AGTPBP1: variants seen among roughly 807,000 people sequenced by gnomAD.
The protein encoded by AGTPBP1 is ATP/GTP binding carboxypeptidase 1.
Under a neutral mutation model 143.9 loss-of-function variants are expected in AGTPBP1, and 70 were observed. The ratio of observed to expected loss-of-function variants is 0.49; its 90% confidence interval spans 0.40 to 0.59. The LOEUF (loss-of-function observed/expected upper bound fraction) is 0.59, where lower values mean the gene tolerates loss of function less well. AGTPBP1 is among the 20% of genes least tolerant of loss of function. The pLI is 0.00. For missense variants in AGTPBP1, 1,229 were observed against 1,464.5 expected (o/e 0.84, Z 2.62); for synonymous variants, 463 against 500.2 (o/e 0.93, Z 0.99).
chr9:85,700,262 A>G (rs991043565), intron 2 of AGTPBP1, among the ~76,000 whole-genome samples: 1 of 152,210 alleles, frequency 6.6e-6, no homozygotes, highest in Non-Finnish European at 1.5e-5. Context: ...TGGCTTATTC[A>G]ACACAACGAA....
chr9:85,759,613 T>C, the AGTPBP1 span, among the ~76,000 whole-genome samples: 5 of 151,914 alleles, frequency 3.3e-5, no homozygotes, highest in Non-Finnish European at 5.9e-5. Context: ...CTGGGACACA[T>C]TTAAAGCAGT....
At chr9:85,636,417 C>T (rs1045564951) in intron 13 of AGTPBP1, among the ~76,000 whole-genome samples, 1 of 152,086 alleles carries the variant, frequency 6.6e-6, no homozygotes, top group South Asian at 2.1e-4. Context: ...CACGCACCAC[C>T]ACACCCAGCT....
At position 85,700,269 on chromosome 9, in the gene AGTPBP1, C is replaced by T. The variant is rs560628412; in HGVS notation, c.33-7456G>A. ...AATCCCCTTGGCTTATTCAACACAA[C>T]GAAAGTGTAATTCCTGCTCACATTA... On this transcript the variant is annotated intron_variant, in intron 2 of 25. Transcript: ENST00000357081. Among the ~76,000 whole-genome samples, 15 of 152,272 alleles carry T rather than the reference C, an allele frequency of 9.9e-5. 1 individual carries two copies. The South Asian group carries it at 1.5e-3, about 15-fold the overall frequency.
chr9:85,746,661 G>A (rs1824587800), upstream of AGTPBP1, among the ~76,000 whole-genome samples: 2 of 151,798 alleles, frequency 1.3e-5, no homozygotes, highest in African/African-American at 2.4e-5. Flanking sequence ...GAGAGAGAGA[G>A]AGAAGCAAAA....
chr9:85,582,904 C>T (rs1828363654), intron 23 of AGTPBP1, among the ~76,000 whole-genome samples: 1 of 152,112 alleles, frequency 6.6e-6, no homozygotes, highest in African/African-American at 2.4e-5. Context: ...AGGAATGTTA[C>T]TTTACATGGC....
In AGTPBP1 at chr9:85,636,480, G is replaced by T. The variant is rs866382828; in HGVS notation, c.1303-3106C>A. Among the ~76,000 whole-genome samples the T allele has an allele frequency of 4.6e-5, 7 of 151,824 alleles. No individual in the cohort carries two copies. The South Asian group carries it at 1.5e-3, about 31-fold the overall frequency. On this transcript the variant is annotated intron_variant, in intron 13 of 25. Transcript: ENST00000357081. ...GTTTCATCATATTGGCCATGGTCTC[G>T]ATCTCCTGACTTTGTGATCCCCCCT...
rs977345587 is a variant in AGTPBP1, at chr9:85,632,864, T to C, written c.1813A>G (p.Thr605Ala). The C allele has an allele frequency of 3.7e-6, 6 of 1,614,068 alleles. No individual in the cohort carries two copies. The African/African-American group carries it at 6.7e-5, about 18-fold the overall frequency. Residue 605 changes from threonine (T) to alanine (A), a missense_variant, in exon 14 of 26, where the codon ACT (threonine) becomes GCT (alanine). Thr to Ala is a moderately conservative substitution (Grantham distance 58). This residue lies in a region of AGTPBP1 where 743 missense variants were observed against 812.2 expected (regional missense o/e 0.91). Coordinates refer to ENST00000357081, the MANE Select transcript of AGTPBP1 (RefSeq NM_001330701.2). ...TGTTCTACCGATGAATTTGACTCAG[T>C]ATCTTCATCATCTTCAGTTTCAACT... ...TGVETEDDED[T>A]ESNSSVEQAS...
chr9:85,686,630 C>T (rs1238152506), intron 3 of AGTPBP1, among the ~76,000 whole-genome samples: 1 of 152,052 alleles, frequency 6.6e-6, no homozygotes, highest in Non-Finnish European at 1.5e-5. Flanking sequence ...ATAATTACAA[C>T]ATTGTATTGT....
the AGTPBP1 span, among the ~76,000 whole-genome samples, chr9:85,761,214 A>T: frequency 3.0e-4 from 46 of 152,210 alleles, no homozygotes; most frequent in Non-Finnish European, 6.2e-4. Flanking sequence ...TAATTTATAG[A>T]TTCAATGCCA....
chr9:85,608,067 C>T (rs777863788), intron 17 of AGTPBP1, among the ~76,000 whole-genome samples: 4 of 151,950 alleles, frequency 2.6e-5, no homozygotes, highest in Non-Finnish European at 5.9e-5. Context: ...CACACATGAC[C>T]CAGGCCTTCA....
the AGTPBP1 span, among the ~76,000 whole-genome samples, chr9:85,776,678 T>C: frequency 0.061 from 9,254 of 152,256 alleles, 930 homozygotes; most frequent in African/African-American, 0.2. Context: ...GCTGACTTAA[T>C]GGTAGGTAGA....
chr9:85,761,414 AC>A, the AGTPBP1 span, among the ~76,000 whole-genome samples: 1 of 152,348 alleles, frequency 6.6e-6, no homozygotes, highest in South Asian at 2.1e-4. Flanking sequence ...TGGTACTGGT[AC>A]CAAAACAGAG....
intron 25 of AGTPBP1, among the ~76,000 whole-genome samples, chr9:85,552,496 G>C (rs1318564493): frequency 6.6e-6 from 1 of 152,098 alleles, no homozygotes; most frequent in African/African-American, 2.4e-5. Context: ...GCAAAACACT[G>C]CCCATGGAGT....
chr9:85,785,396 A>G, the AGTPBP1 span, among the ~76,000 whole-genome samples: 2 of 152,176 alleles, frequency 1.3e-5, no homozygotes, highest in Non-Finnish European at 2.9e-5. Flanking sequence ...GCATGCATCA[A>G]TATGTTGAAG....
At chr9:85,601,035 T>C (rs555224128) in intron 17 of AGTPBP1, among the ~76,000 whole-genome samples, 56 of 152,284 alleles carry the variant, frequency 3.7e-4, no homozygotes, top group African/African-American at 1.0e-3. Flanking sequence ...AGCAACTCCA[T>C]TGCCCTTATT....
intron 6 of AGTPBP1, among the ~76,000 whole-genome samples, chr9:85,673,457 A>G (rs1834621002): frequency 6.6e-6 from 1 of 152,254 alleles, no homozygotes; most frequent in Non-Finnish European, 1.5e-5. Context: ...TCATTTAAAA[A>G]ATTAACAGCT....
chr9:85,626,015 ACT>A (rs796426508), intron 14 of AGTPBP1, among the ~76,000 whole-genome samples: 13 of 146,362 alleles, frequency 8.9e-5, no homozygotes, highest in African/African-American at 3.4e-4. Context: ...ACTTCTTCCT[ACT>A]CTCTAATGTT....
intron 14 of AGTPBP1, among the ~76,000 whole-genome samples, chr9:85,630,070 G>A (rs1831557781): frequency 6.6e-6 from 1 of 152,184 alleles, no homozygotes; most frequent in Admixed American, 6.5e-5. Context: ...TAAAATTCAG[G>A]AAGTGCCTTC....
At chr9:85,701,693 G>T (rs1448890039) in intron 2 of AGTPBP1, among the ~76,000 whole-genome samples, 1 of 152,160 alleles carries the variant, frequency 6.6e-6, no homozygotes, top group Non-Finnish European at 1.5e-5. Flanking sequence ...TTTATAAACA[G>T]GGAAAACAAC....
Sources: allele counts gnomAD v4.1 joint callset (sites outside exome capture counted in the v4.1 genomes callset), GRCh38; gene constraint gnomAD v4.1.1; regional missense constraint gnomAD v4.1.1; transcripts MANE v1.5; gene names NCBI Gene and HGNC (gene_info 2026-07-23, HGNC 2026-07-21).